The following KIAA1217 variants were observed in gnomAD, a reference collection of about 807,000 sequenced individuals.
The protein encoded by KIAA1217 is KIAA1217, also known as sickle tail protein homolog.
Under a neutral mutation model 163.9 loss-of-function variants are expected in KIAA1217, and 88 were observed. The ratio of observed to expected loss-of-function variants is 0.54; its 90% confidence interval spans 0.45 to 0.64. The LOEUF is 0.64. Among genes scored for constraint, KIAA1217 ranks in the 30% least tolerant of loss-of-function variants. The pLI, the probability that KIAA1217 is intolerant of heterozygous loss-of-function variation, is 0.00. For synonymous variants in KIAA1217, 903 were observed against 923.1 expected (o/e 0.98, Z 0.39); for missense variants, 2,372 against 2,475.0 (o/e 0.96, Z 0.88).
At chr10:23,799,087 A>C (rs10828549) in intron 1 of KIAA1217, among the ~76,000 whole-genome samples, 6,141 of 152,172 alleles carry the variant, frequency 0.04, 158 homozygotes, top group South Asian at 0.081. Flanking sequence ...TGGCTTGTAC[A>C]TGCATCACCC....
chr10:23,922,767 A>G (rs1179866263), intron 1 of KIAA1217, among the ~76,000 whole-genome samples: 1 of 152,124 alleles, frequency 6.6e-6, no homozygotes, highest in Non-Finnish European at 1.5e-5. Flanking sequence ...TATAAGGGGG[A>G]TGCTTTTAAT....
chr10:23,954,256 G>C (rs1211527731), intron 1 of KIAA1217, among the ~76,000 whole-genome samples: 1 of 152,026 alleles, frequency 6.6e-6, no homozygotes, highest in East Asian at 1.9e-4. Context: ...GGCCATTGAT[G>C]CTAGAGCCTC....
chr10:24,358,657 G>A (rs1268352431), intron 2 of KIAA1217, among the ~76,000 whole-genome samples: 3 of 152,254 alleles, frequency 2.0e-5, no homozygotes, highest in African/African-American at 7.2e-5. Context: ...GGCATGGGTT[G>A]TCCAGTCAGG....
chr10:24,347,416 T>C (rs938223353), intron 2 of KIAA1217, among the ~76,000 whole-genome samples: 1 of 152,274 alleles, frequency 6.6e-6, no homozygotes, highest in African/African-American at 2.4e-5. Flanking sequence ...CCTGGAGTAC[T>C]TTCCTTCCTC....
intron 1 of KIAA1217, among the ~76,000 whole-genome samples, chr10:24,005,482 G>A (rs115276519): frequency 6.5e-4 from 99 of 152,178 alleles, no homozygotes; most frequent in African/African-American, 2.2e-3. Context: ...TCCTTCACCT[G>A]GTCACTGGTT....
chr10:24,437,905 G>GAA (rs1268829451), intron 4 of KIAA1217, among the ~76,000 whole-genome samples: 4 of 43,386 alleles, frequency 9.2e-5, no homozygotes, highest in African/African-American at 1.8e-4. Context: ...GTGTTTGAAG[G>GAA]CAAAAAAAAA....
chr10:24,212,207 G>A (rs920394441), intron 1 of KIAA1217, among the ~76,000 whole-genome samples: 14 of 152,200 alleles, frequency 9.2e-5, no homozygotes, highest in Non-Finnish European at 1.9e-4. Context: ...AGAAAAAGAG[G>A]AGTCAGAGAC....
chr10:24,282,953 C>T lies in KIAA1217; in HGVS notation c.354+63044C>T, dbSNP rs140895667. Among the ~76,000 whole-genome samples, 182 of 151,262 alleles carry T rather than the reference C, an allele frequency of 1.2e-3. 1 individual carries two copies. Among genetic ancestry groups the T allele is most frequent in the African/African-American group, 4.4e-3 (180 of 41,172 alleles). On this transcript the variant is annotated intron_variant, in intron 2 of 20. Coordinates refer to ENST00000376454, the MANE Select transcript of KIAA1217 (RefSeq NM_019590.5). ...GGTTCAAGCAATTCTCCTGCCTTAGCCTCCCGAGTAACTGGGATTACAGAC... is the reference window on the plus strand; with the variant it reads ...GGTTCAAGCAATTCTCCTGCCTTAGTCTCCCGAGTAACTGGGATTACAGAC...
At position 23,965,750 on chromosome 10, in the gene KIAA1217, G is replaced by A. The variant is rs553375714; in HGVS notation, c.-320-41475G>A. ...AGGGAGTGGGAATGCTGCCTTCTGTGGTGACCTGGAGTTATATAGGGCCCA... is the reference window on the plus strand; with the variant it reads ...AGGGAGTGGGAATGCTGCCTTCTGTAGTGACCTGGAGTTATATAGGGCCCA... On this transcript the variant is annotated intron_variant, in intron 1 of 18. Transcript: ENST00000376462. Among the ~76,000 whole-genome samples, 4 of 152,234 alleles carry A rather than the reference G, an allele frequency of 2.6e-5. No homozygotes were observed. The South Asian group carries it at 8.3e-4, about 32-fold the overall frequency.
At chr10:23,922,216 G>A (rs116216961) in intron 1 of KIAA1217, among the ~76,000 whole-genome samples, 12 of 152,282 alleles carry the variant, frequency 7.9e-5, no homozygotes, top group African/African-American at 2.9e-4. Context: ...CTTTCAGGTT[G>A]GTGAACAAGT....
chr10:23,824,108 C>CA (rs1020626331), intron 1 of KIAA1217, among the ~76,000 whole-genome samples: 2 of 151,738 alleles, frequency 1.3e-5, no homozygotes, highest in African/African-American at 4.8e-5. Flanking sequence ...CCCATCTCTA[C>CA]AAAAAATACA....
intron 2 of KIAA1217, among the ~76,000 whole-genome samples, chr10:24,188,856 A>T (rs1023920679): frequency 1.3e-5 from 2 of 152,148 alleles, no homozygotes; most frequent in Admixed American, 1.3e-4. Flanking sequence ...CTGTAATCCC[A>T]GCACTTTGGG....
intron 1 of KIAA1217, among the ~76,000 whole-genome samples, chr10:23,975,828 G>T (rs1845516546): frequency 6.6e-6 from 1 of 152,112 alleles, no homozygotes; most frequent in Non-Finnish European, 1.5e-5. Flanking sequence ...GACCCCATGT[G>T]ACATGAATTA....
At chr10:24,378,661 C>T (rs1010125703) in intron 2 of KIAA1217, among the ~76,000 whole-genome samples, 6 of 151,276 alleles carry the variant, frequency 4.0e-5, no homozygotes, top group Non-Finnish European at 7.4e-5. Flanking sequence ...CATATCAGAT[C>T]ACAGGGTATC....
At chr10:24,422,604 G>A (rs551831448) in intron 3 of KIAA1217, among the ~76,000 whole-genome samples, 1 of 152,296 alleles carries the variant, frequency 6.6e-6, no homozygotes, top group South Asian at 2.1e-4. Context: ...GGACCAGGAG[G>A]ATCACAGCAC....
chr10:24,386,927 G>A (rs2054089879), intron 3 of KIAA1217, among the ~76,000 whole-genome samples: 1 of 152,176 alleles, frequency 6.6e-6, no homozygotes, highest in Non-Finnish European at 1.5e-5. Flanking sequence ...TTGCTCTGTA[G>A]AGTAAGTGAA....
At chr10:24,158,159 A>G (rs80216830) in intron 2 of KIAA1217, 3 of 750,016 alleles carry the variant, frequency 4.0e-6, no homozygotes, top group East Asian at 4.9e-5. Flanking sequence ...TTTAACTTCA[A>G]GAAGACAGCC....
At chr10:24,171,688 G>A (rs1236687277) in intron 2 of KIAA1217, among the ~76,000 whole-genome samples, 1 of 152,078 alleles carries the variant, frequency 6.6e-6, no homozygotes, top group Non-Finnish European at 1.5e-5. Context: ...CCAGGAGGAT[G>A]AGGCAGGAGA....
At chr10:23,758,103 G>A (rs1169701189) in intron 1 of KIAA1217, among the ~76,000 whole-genome samples, 1 of 152,000 alleles carries the variant, frequency 6.6e-6, no homozygotes, top group Non-Finnish European at 1.5e-5. Flanking sequence ...TGTCCCTTTG[G>A]TGTTATCATA....
Sources: gnomAD v4.1 joint callset for allele counts (sites outside exome capture counted in the v4.1 genomes callset) on GRCh38, gnomAD v4.1.1 for gene constraint, MANE v1.5 for transcripts, NCBI Gene and HGNC (gene_info 2026-07-23, HGNC 2026-07-21) for gene names.